The following PRR12 variants were observed in gnomAD, a reference collection of about 807,000 sequenced individuals.
PRR12 encodes the protein proline rich 12, also known as proline-rich protein 12.
PRR12 carries 12 observed loss-of-function variants against 138.0 expected under a neutral mutation model. The observed-to-expected ratio is 0.09, with a 90% CI of 0.06 to 0.14. PRR12 has a LOEUF of 0.14. PRR12 is among the 10% of genes least tolerant of loss of function. The probability of loss-of-function intolerance (pLI) is 1.00; values close to 1 mark genes in which losing one functional copy is unlikely to be tolerated. For synonymous variants in PRR12, 1,567 were observed against 1,291.7 expected, an observed-to-expected ratio of 1.21 and a Z score of -4.57; for missense variants, 2,692 against 2,861.3, an observed-to-expected ratio of 0.94 and a Z score of 1.35.
chr19:49,610,044 G>A (rs747388036), intron 6 of PRR12, among the ~76,000 whole-genome samples: 18 of 151,602 alleles, frequency 1.2e-4, no homozygotes, highest in Admixed American at 2.6e-4. Context: ...GCGCGATCTC[G>A]GCTCACTGCA....
chr19:49,615,561 A>G (rs1203640297), intron 8 of PRR12, among the ~76,000 whole-genome samples, 186 bp from the exon 9 acceptor site: 1 of 62,794 alleles, frequency 1.6e-5, no homozygotes. Context: ...CCAGAGAGGG[A>G]GGGGGTCAGA....
At chr19:49,619,656 C>A (rs2080911338) in intron 9 of PRR12, among the ~76,000 whole-genome samples, 1 of 149,652 alleles carries the variant, frequency 6.7e-6, no homozygotes, top group Non-Finnish European at 1.5e-5. Flanking sequence ...ATTCTCCTGC[C>A]TCAGCCTCCC....
Position 49,616,077 on chromosome 19 carries a change from G to T in PRR12, c.5355G>T (p.Arg1785=). Residue 1785 remains arginine, a synonymous_variant, in exon 9 of 14, where the codon CGG becomes CGT. Transcript: ENST00000418929. This position sits in a 1 kb window ranked among gnomAD's most constrained non-coding sequence, Gnocchi z 4.2. ...QPATSRLPKA[R]PTKVKAEPPP... is the part of the protein sequence containing the mutation. ...CCACATCCCGGCTGCCCAAAGCCCG[G>T]CCTACCAAGGTGAAGGCTGAACCGC... 1.9e-6 allele frequency: 3 copies of T among 1,567,320 alleles called. No homozygotes were observed. In the South Asian group the frequency reaches 3.5e-5, roughly 18 times the overall value.
At chr19:49,613,173 AC>A (rs1329395335) in intron 6 of PRR12, among the ~76,000 whole-genome samples, 7 of 151,572 alleles carry the variant, frequency 4.6e-5, no homozygotes, top group African/African-American at 1.7e-4. Context: ...CCCCTTCTCT[AC>A]TAAAAATACA....
At position 49,595,114 on chromosome 19, in the gene PRR12, A is replaced by C; in HGVS notation, c.779A>C (p.Gln260Pro). The stretch of plus-strand genomic sequence containing the variant: ...TCCGCTGCCGCCGCCGCTGCCGAGC[A>C]GTCCTCCCCACAGCTCTATAACTTC... ...SSSAAAAAAE[Q>P]SSPQLYNFSG... The change falls in exon 4 of 14, where the codon CAG (glutamine) becomes CCG (proline). Residue 260 changes from glutamine (Q) to proline (P), a missense_variant. Around this residue, in one of 11 missense-constraint regions of PRR12, gnomAD observed 523 missense variants for 496.4 expected, o/e 1.05. Coordinates refer to ENST00000418929, the MANE Select transcript of PRR12 (RefSeq NM_020719.3). The C allele has an allele frequency of 6.2e-7, 1 of 1,611,466 alleles. No individual in the cohort carries two copies. The highest frequency in any genetic ancestry group is 2.2e-5 in the East Asian group (1 of 44,814).
rs750940267 is a variant in PRR12 at position 49,596,789 on chromosome 19, A to T, written c.2454A>T (p.Lys818Asn). ...HAPSPSPSAS[K>N]VGVHLLEPAT... Reference sequence around the variant, plus strand: ...CCAGTCCCTCTCCCAGCGCCTCCAAAGTCGGCGTCCACCTCCTTGAGCCAG... The same window carrying T: ...CCAGTCCCTCTCCCAGCGCCTCCAATGTCGGCGTCCACCTCCTTGAGCCAG... The change falls in exon 4 of 14, where the codon AAA becomes AAT. Residue 818 changes from lysine (K) to asparagine (N), a missense_variant. Coordinates refer to ENST00000418929, the MANE Select transcript of PRR12 (RefSeq NM_020719.3). This position sits in a 1 kb window ranked among gnomAD's most constrained non-coding sequence, Gnocchi z 5.6. 99 of 1,601,560 alleles carry T rather than the reference A, an allele frequency of 6.2e-5. No homozygotes were observed. The highest frequency in any genetic ancestry group is 7.8e-5 in the Non-Finnish European group (92 of 1,179,276).
Position 49,598,023 on chromosome 19 carries a change from A to T in PRR12, c.3678+10A>T. 3.0e-6 allele frequency: 4 copies of T among 1,355,574 alleles called. No individual in the cohort carries two copies. The highest frequency in any genetic ancestry group is 3.8e-6 in the Non-Finnish European group (4 of 1,055,348). The allele number at this position is 1,355,574 out of a possible 1,614,324, so 84.0% of individuals were successfully genotyped here. A position where few individuals can be genotyped will look rare whatever the true frequency, so the allele number is the denominator to read the frequency against. Reference sequence around the variant, plus strand: ...CCTGAAGCCACTTAAGGTGAGGGGAAATGGGGTCTTGTAGGGGATAGGGGA... The same window carrying T: ...CCTGAAGCCACTTAAGGTGAGGGGATATGGGGTCTTGTAGGGGATAGGGGA... On this transcript the variant is annotated intron_variant, in intron 4 of 13. Transcript: ENST00000418929.
rs1309646489 is a variant in PRR12, at chr19:49,614,229, T to G, written c.4774-304T>G. Among the ~76,000 whole-genome samples, 1 of 152,158 alleles carries G rather than the reference T, an allele frequency of 6.6e-6. No homozygotes were observed. Among genetic ancestry groups the G allele is most frequent in the African/African-American group, 2.4e-5 (1 of 41,444 alleles). On this transcript the variant is annotated intron_variant, in intron 6 of 13. Coordinates refer to ENST00000418929, the MANE Select transcript of PRR12 (RefSeq NM_020719.3). This position sits in a 1 kb window ranked among gnomAD's most constrained non-coding sequence, Gnocchi z 5.0. ...TAAATAGCAGGCGGTGTTCAAAGAT[T>G]GTCATTACTCTGAGTCACACAGGAA...
chr19:49,621,858 G>A (rs1033965143), intron 11 of PRR12: 1 of 546,864 alleles, frequency 1.8e-6, no homozygotes, highest in Admixed American at 3.1e-5. Context: ...GTTGTGAAAG[G>A]CTGGGCTGTT....
chr19:49,625,192 C>T lies in PRR12; in HGVS notation c.5956C>T (p.Arg1986Trp), dbSNP rs1475987820. The T allele has an allele frequency of 1.2e-6, 2 of 1,613,458 alleles. No homozygotes were observed. The highest frequency in any genetic ancestry group is 1.7e-6 in the Non-Finnish European group (2 of 1,179,490). Residue 1986 changes from arginine (R) to tryptophan (W), a missense_variant, in exon 13 of 14, where the codon CGG (arginine) becomes TGG (tryptophan). Coordinates refer to ENST00000418929, the MANE Select transcript of PRR12 (RefSeq NM_020719.3). The surrounding 1 kb of genome is among the most constrained non-coding windows in gnomAD (Gnocchi z 5.5). ...HYKYHTFLRC[R>W]DQTLAIEGGA... ...TAAATACCACACCTTCCTGCGCTGC[C>T]GGGACCAGGTGAGCCCCACCCACAG...
At position 49,607,206 on chromosome 19, in the gene PRR12, C is replaced by T. The variant is rs990859238; in HGVS notation, c.4773+5288C>T. Reference sequence around the variant, plus strand: ...ACCTAACATATTGAAAGTATTATTTCGGCTACATGCGGTGGCTCACACCTG... The same window carrying T: ...ACCTAACATATTGAAAGTATTATTTTGGCTACATGCGGTGGCTCACACCTG... On this transcript the variant is annotated intron_variant, in intron 6 of 13. Coordinates refer to ENST00000418929, the MANE Select transcript of PRR12 (RefSeq NM_020719.3). Among the ~76,000 whole-genome samples the T allele has an allele frequency of 3.9e-5, 6 of 151,934 alleles. No homozygotes were observed. The South Asian group carries it at 6.2e-4, about 16-fold the overall frequency.
chr19:49,621,679 A>G, intron 11 of PRR12, 57 bp downstream of exon 11: 1 of 1,392,390 alleles, frequency 7.2e-7, no homozygotes, highest in Non-Finnish European at 9.9e-7. Context: ...TGGAGAAGAC[A>G]TGTACGTGTC....
At chr19:49,623,073 C>G (rs188373972) in intron 11 of PRR12, among the ~76,000 whole-genome samples, 1 of 150,992 alleles carries the variant, frequency 6.6e-6, no homozygotes, top group East Asian at 1.9e-4. Flanking sequence ...GATTCTTAGA[C>G]TGGTGTGGAG....
Position 49,625,698 on chromosome 19 carries a change from C to T in PRR12, c.*91C>T, listed in dbSNP as rs1276463795. On this transcript the variant is annotated 3_prime_UTR_variant, in exon 14 of 14. Coordinates refer to ENST00000418929, the MANE Select transcript of PRR12 (RefSeq NM_020719.3). The surrounding 1 kb of genome is among the most constrained non-coding windows in gnomAD (Gnocchi z 5.5). The stretch of plus-strand genomic sequence containing the variant: ...TCAGGAGCTAACACCTGGGCTCCAT[C>T]GCCGGGGAAAGGGGGTCATGGGTCA... The T allele has an allele frequency of 1.6e-5, 23 of 1,458,036 alleles. No individual in the cohort carries two copies. In the East Asian group the frequency reaches 2.1e-4, roughly 14 times the overall value. The allele number at this position is 1,458,036 out of a possible 1,614,324, so 90.3% of individuals were successfully genotyped here. A position where few individuals can be genotyped will look rare whatever the true frequency, so the allele number is the denominator to read the frequency against.
chr19:49,601,984 C>T, intron 6 of PRR12, 66 bp downstream of exon 6: 1 of 1,535,386 alleles, frequency 6.5e-7, no homozygotes, highest in Non-Finnish European at 8.8e-7. Context: ...TGAGTGCCCG[C>T]TGGATGACAG....
chr19:49,599,296 G>A lies in PRR12; in HGVS notation c.3703G>A (p.Gly1235Ser). Reference protein sequence around the residue: ...LKIKLSVPKAGEGLGTSSGDA... With the variant: ...LKIKLSVPKASEGLGTSSGDA... ...GATCAAGCTGTCTGTGCCCAAGGCTGGCGAGGGTCTGGGAACCTCATCGGG... is the reference window on the plus strand; with the variant it reads ...GATCAAGCTGTCTGTGCCCAAGGCTAGCGAGGGTCTGGGAACCTCATCGGG... The change falls in exon 5 of 14, where the codon GGC (glycine) becomes AGC (serine). Residue 1235 changes from glycine to serine, a missense_variant. By Grantham distance (56) the Gly-to-Ser change is moderately conservative. Coordinates refer to ENST00000418929, the MANE Select transcript of PRR12 (RefSeq NM_020719.3). This position sits in a 1 kb window ranked among gnomAD's most constrained non-coding sequence, Gnocchi z 5.0. 1 of 1,608,160 alleles carries A rather than the reference G, an allele frequency of 6.2e-7. No homozygotes were observed. Among genetic ancestry groups the A allele is most frequent in the Non-Finnish European group, 8.5e-7 (1 of 1,176,612 alleles).
rs1407122479 is a variant in PRR12 at position 49,620,443 on chromosome 19, C to T, written c.5589C>T (p.Asp1863=). The T allele has an allele frequency of 6.3e-7, 1 of 1,586,606 alleles. No homozygotes were observed. Among genetic ancestry groups the T allele is most frequent in the Non-Finnish European group, 8.6e-7 (1 of 1,166,756 alleles). The part of the protein sequence containing the change: ...YVEMLVSTAL[D]PDMIQALEDT... ...AGATGTTGGTGAGCACAGCACTTGA[C>T]CCAGACATGATCCAGGCCCTGGAGG... is the stretch of plus-strand genomic sequence containing the variant. The change falls in exon 10 of 14, where the codon GAC becomes GAT. Residue 1863 remains aspartate (D), a synonymous_variant. Coordinates refer to ENST00000418929, the MANE Select transcript of PRR12 (RefSeq NM_020719.3).
In PRR12 at chr19:49,625,872, G is replaced by A. The variant is rs1274083789; in HGVS notation, c.*265G>A. 1.6e-4 allele frequency: 51 copies of A among 309,210 alleles called. No homozygotes were observed. The East Asian group carries it at 2.4e-3, about 14-fold the overall frequency. The allele number at this position is 309,210 out of a possible 1,614,324, so 19.2% of individuals were successfully genotyped here. A position where few individuals can be genotyped will look rare whatever the true frequency, so the allele number is the denominator to read the frequency against. ...TATGTATAAATGTCTATTTAGTAAC[G>A]GTTTCCCTCTCCCCTTGCCCCGACC... is the stretch of plus-strand genomic sequence containing the variant. On this transcript the variant is annotated 3_prime_UTR_variant, in exon 14 of 14. Coordinates refer to ENST00000418929, the MANE Select transcript of PRR12 (RefSeq NM_020719.3). This position sits in a 1 kb window ranked among gnomAD's most constrained non-coding sequence, Gnocchi z 5.5.
chr19:49,591,598 CG>C lies in PRR12; in HGVS notation c.-56del. On this transcript the variant is annotated 5_prime_UTR_variant, in exon 1 of 14. Transcript: ENST00000418929. ...GCGGCGGCGGAGGAGAGCGCGCGCG[CG>C]CCCCCTCCCTCCCTCCCTCCCTCCC... is the stretch of plus-strand genomic sequence containing the variant. 2 of 443,368 alleles carry C rather than the reference CG, an allele frequency of 4.5e-6. No homozygotes were observed. Among genetic ancestry groups the C allele is most frequent in the East Asian group, 4.0e-5 (1 of 24,742 alleles). 27.5% of individuals were successfully genotyped at this position (443,368 alleles called of 1,614,324 possible). A position where few individuals can be genotyped will look rare whatever the true frequency, so the allele number is the denominator to read the frequency against.
Sources: gnomAD v4.1 joint callset for allele counts (sites outside exome capture counted in the v4.1 genomes callset) on GRCh38, gnomAD v4.1.1 for gene constraint, gnomAD v4.1.1 regional missense constraint, Gnocchi (gnomAD v3.1) non-coding constraint, MANE v1.5 for transcripts, NCBI Gene and HGNC (gene_info 2026-07-23, HGNC 2026-07-21) for gene names.